The following TBC1D1 variants were observed in gnomAD, a reference collection of about 807,000 sequenced individuals.
TBC1D1 encodes the protein TBC1 (tre-2/USP6, BUB2, cdc16) domain family, member 1.
A neutral mutation model predicts 125.6 loss-of-function variants in TBC1D1; 89 were observed. That is an observed-to-expected ratio of 0.71 (90% CI 0.60 to 0.85). The LOEUF (loss-of-function observed/expected upper bound fraction) is 0.85, where lower values mean the gene tolerates loss of function less well. TBC1D1 is among the 40% of genes least tolerant of loss of function. TBC1D1 has a pLI of 0.00. For missense variants in TBC1D1, 1,377 were observed against 1,469.2 expected (o/e 0.94, Z 1.03); for synonymous variants, 565 against 564.1 (o/e 1.00, Z -0.02).
At chr4:38,134,614 T>C (rs1267691046) in intron 19 of TBC1D1, among the ~76,000 whole-genome samples, 1 of 152,232 alleles carries the variant, frequency 6.6e-6, no homozygotes, top group Non-Finnish European at 1.5e-5. Flanking sequence ...AGCTCACATT[T>C]GCATTGAAGT....
intron 15 of TBC1D1, among the ~76,000 whole-genome samples, chr4:38,108,204 G>T (rs935762646): frequency 1.4e-4 from 21 of 152,286 alleles, no homozygotes; most frequent in African/African-American, 4.3e-4. Flanking sequence ...GCTGGGGGCT[G>T]CCAGTGACAC....
intron 14 of TBC1D1, among the ~76,000 whole-genome samples, chr4:38,100,983 C>G (rs1371521196): frequency 6.6e-6 from 1 of 152,158 alleles, no homozygotes; most frequent in East Asian, 1.9e-4. Context: ...TGTCACTCAC[C>G]GGCCTAATGA....
chr4:38,136,346 A>G (rs1766612010), intron 19 of TBC1D1, among the ~76,000 whole-genome samples: 2 of 152,176 alleles, frequency 1.3e-5, no homozygotes, highest in Non-Finnish European at 2.9e-5. Context: ...GCTTGTCTCC[A>G]TGGCTCGTAG....
At chr4:37,951,604 T>C (rs138383971) in intron 2 of TBC1D1, among the ~76,000 whole-genome samples, 1 of 152,300 alleles carries the variant, frequency 6.6e-6, no homozygotes, top group East Asian at 1.9e-4. Flanking sequence ...TTATCTTCTG[T>C]GGTCACAGCA....
chr4:38,133,102 G>A lies in TBC1D1; in HGVS notation c.3151G>A (p.Ala1051Thr), dbSNP rs757303654. Residue 1051 changes from alanine (A) to threonine (T), a missense_variant, in exon 19 of 20, where the codon GCT becomes ACT. By Grantham distance (58) the Ala-to-Thr change is moderately conservative. Transcript: ENST00000261439. ...ATAACAGGTATTTGAAATGGACATCGCTAAACAGTTACAAGCTTATGAAGT... is the reference window on the plus strand; with the variant it reads ...ATAACAGGTATTTGAAATGGACATCACTAAACAGTTACAAGCTTATGAAGT... 40 of 1,613,168 alleles carry A rather than the reference G, an allele frequency of 2.5e-5. No homozygotes were observed. Among genetic ancestry groups the A allele is most frequent in the Non-Finnish European group, 3.4e-5 (40 of 1,179,752 alleles).
intron 8 of TBC1D1, among the ~76,000 whole-genome samples, chr4:38,043,522 G>A (rs116553342): frequency 2.6e-4 from 39 of 151,300 alleles, no homozygotes; most frequent in Non-Finnish European, 4.4e-4. Flanking sequence ...GGTCAAGACT[G>A]CAGTGAGCCA....
rs202224734 is a variant in TBC1D1, at chr4:38,049,743, G to A, written c.1755G>A (p.Ser585=). The change falls in exon 11 of 20, where the codon TCG becomes TCA. Residue 585 remains serine, a synonymous_variant. Transcript: ENST00000261439. ...TCCCAGAAGAGCCAGCTCCGCTGTC[G>A]CCCCAGCAGGCCTTCAGGAGGCGAG... is the stretch of plus-strand genomic sequence containing the variant. 1.3e-5 allele frequency: 21 copies of A among 1,614,046 alleles called. No homozygotes were observed. The highest frequency in any genetic ancestry group is 1.6e-4 in the Middle Eastern group (1 of 6,062).
At chr4:38,123,208 C>T (rs1415868549) in intron 17 of TBC1D1, among the ~76,000 whole-genome samples, 1 of 151,660 alleles carries the variant, frequency 6.6e-6, no homozygotes, top group African/African-American at 2.4e-5. Flanking sequence ...AAAGCCTTTC[C>T]CCAGGATCCC....
intron 8 of TBC1D1, among the ~76,000 whole-genome samples, chr4:38,041,710 C>T (rs966603076): frequency 1.3e-5 from 2 of 152,154 alleles, no homozygotes; most frequent in African/African-American, 2.4e-5. Context: ...AGGATGTGTA[C>T]AGTATGACAC....
chr4:37,971,234 T>C (rs1251778533), intron 2 of TBC1D1, among the ~76,000 whole-genome samples: 2 of 152,194 alleles, frequency 1.3e-5, no homozygotes, highest in Non-Finnish European at 2.9e-5. Flanking sequence ...TTGAGATTTC[T>C]GTAGGGATAC....
At chr4:37,994,379 T>C (rs1737301425) in intron 2 of TBC1D1, among the ~76,000 whole-genome samples, 1 of 152,168 alleles carries the variant, frequency 6.6e-6, no homozygotes, top group African/African-American at 2.4e-5. Context: ...AGCCTTAAAC[T>C]CCCAGGCTCA....
At position 37,902,504 on chromosome 4, in the gene TBC1D1, C is replaced by T. The variant is rs759798838; in HGVS notation, c.409C>T (p.Gln137Ter). ...CTGCTATGTGTTCAAAGCCGATGAT[C>T]AAACAAAAGTAAGTGAGATGGAGAT... The change falls in exon 2 of 20, where the codon CAA becomes TAA. Residue 137 changes from glutamine to a stop codon, truncating the protein, a stop_gained. Coordinates refer to ENST00000261439, the MANE Select transcript of TBC1D1 (RefSeq NM_015173.4). LOFTEE classifies it high-confidence loss of function. 1.4e-5 allele frequency: 23 copies of T among 1,593,000 alleles called. No individual in the cohort carries two copies. The highest frequency in any genetic ancestry group is 1.9e-5 in the Non-Finnish European group (22 of 1,167,932).
intron 2 of TBC1D1, among the ~76,000 whole-genome samples, chr4:37,960,016 T>G (rs1729664794): frequency 2.6e-5 from 4 of 152,214 alleles, no homozygotes. Context: ...TATTAAAGGT[T>G]AGTAAGAAGT....
intron 2 of TBC1D1, among the ~76,000 whole-genome samples, chr4:37,946,620 CAGGGAAA>C (rs1036087412): frequency 5.3e-5 from 8 of 152,182 alleles, no homozygotes; most frequent in South Asian, 4.1e-4. Flanking sequence ...AACAGTGGCC[CAGGGAAA>C]AGGACTGTGG....
intron 1 of TBC1D1, among the ~76,000 whole-genome samples, chr4:37,901,345 C>T (rs952146670): frequency 2.0e-5 from 3 of 151,734 alleles, no homozygotes; most frequent in Admixed American, 1.3e-4. Context: ...TTAGTAGAGA[C>T]GGGGTTTCAC....
At chr4:38,109,585 T>G (rs1365404491) in intron 15 of TBC1D1, among the ~76,000 whole-genome samples, 1 of 152,166 alleles carries the variant, frequency 6.6e-6, no homozygotes, top group Non-Finnish European at 1.5e-5. Flanking sequence ...ACTACCCACT[T>G]GATGTCACTG....
intron 15 of TBC1D1, among the ~76,000 whole-genome samples, chr4:38,107,737 T>C (rs1761583125): frequency 6.6e-6 from 1 of 152,156 alleles, no homozygotes; most frequent in Non-Finnish European, 1.5e-5. Flanking sequence ...CACGTGCCGT[T>C]ATTTCCAACT....
intron 2 of TBC1D1, among the ~76,000 whole-genome samples, chr4:37,996,683 C>A (rs900909116): frequency 2.6e-5 from 4 of 152,232 alleles, no homozygotes; most frequent in Admixed American, 2.6e-4. Flanking sequence ...AGAGCCCTTT[C>A]CTGTGATTGA....
intron 11 of TBC1D1, chr4:38,053,191 G>A: frequency 1.3e-6 from 2 of 1,529,256 alleles, no homozygotes; most frequent in South Asian, 1.3e-5. Flanking sequence ...TCCTGTAGAT[G>A]AAAATAACAC....
Sources: allele counts gnomAD v4.1 joint callset (sites outside exome capture counted in the v4.1 genomes callset), GRCh38; gene constraint gnomAD v4.1.1; transcripts MANE v1.5; gene names NCBI Gene and HGNC (gene_info 2026-07-23, HGNC 2026-07-21).